The following HPSE2 variants were observed in gnomAD, a reference collection of about 807,000 sequenced individuals.
HPSE2 encodes inactive heparanase-2.
HPSE2 carries 38 observed loss-of-function variants against 60.5 expected under a neutral mutation model. That is an observed-to-expected ratio of 0.63 (90% CI 0.48 to 0.82). HPSE2 has a LOEUF of 0.82. Ranked by LOEUF, HPSE2 falls within the 40% of genes least tolerant of loss-of-function variation. HPSE2 has a pLI of 0.00. For synonymous variants in HPSE2, 295 were observed against 293.2 expected (o/e 1.01, Z -0.06); for missense variants, 713 against 740.4 (o/e 0.96, Z 0.43).
intron 5 of HPSE2, among the ~76,000 whole-genome samples, chr10:98,711,551 A>T (rs913807266): frequency 3.9e-5 from 6 of 152,100 alleles, no homozygotes; most frequent in Admixed American, 3.9e-4. Context: ...TAGCCATGTG[A>T]CCTTGGGTAA....
chr10:99,145,874 T>A (rs759228656), intron 2 of HPSE2, among the ~76,000 whole-genome samples: 1 of 152,162 alleles, frequency 6.6e-6, no homozygotes, highest in Non-Finnish European at 1.5e-5. Context: ...TACAAACCCA[T>A]GACTATGAGA....
intron 3 of HPSE2, among the ~76,000 whole-genome samples, chr10:98,939,723 C>T (rs1954930346): frequency 7.0e-6 from 1 of 143,718 alleles, no homozygotes; most frequent in Non-Finnish European, 1.5e-5. Context: ...AGCTCTGCAC[C>T]AAGCAGACCT....
chr10:98,893,641 T>C (rs1953401824), intron 3 of HPSE2, among the ~76,000 whole-genome samples: 1 of 151,948 alleles, frequency 6.6e-6, no homozygotes, highest in African/African-American at 2.4e-5. Flanking sequence ...CATAAAAATA[T>C]CTTGTAAAAT....
At chr10:98,630,488 C>T (rs1377729591) in intron 7 of HPSE2, among the ~76,000 whole-genome samples, 5 of 152,104 alleles carry the variant, frequency 3.3e-5, no homozygotes, top group Admixed American at 6.5e-5. Flanking sequence ...TGAGCCACCA[C>T]GCCCGGCCGT....
chr10:99,088,837 C>T (rs1022860237), intron 3 of HPSE2, among the ~76,000 whole-genome samples: 4 of 152,130 alleles, frequency 2.6e-5, no homozygotes, highest in African/African-American at 9.7e-5. Flanking sequence ...TAAAAGCATT[C>T]CCTTTTCACC....
At chr10:98,556,938 C>T (rs1349156101) in intron 9 of HPSE2, among the ~76,000 whole-genome samples, 5 of 152,248 alleles carry the variant, frequency 3.3e-5, no homozygotes, top group South Asian at 4.1e-4. Flanking sequence ...TGTCCAGGCA[C>T]GGTGGCTCAC....
At chr10:98,566,229 C>T (rs752643211) in intron 9 of HPSE2, among the ~76,000 whole-genome samples, 4 of 152,178 alleles carry the variant, frequency 2.6e-5, no homozygotes, top group African/African-American at 4.8e-5. Flanking sequence ...AGGAAGGAAA[C>T]GTAAGCTATA....
rs573057422 is a variant in HPSE2, at chr10:98,725,568, C to A, written c.785-3740G>T. ...AAAACCTAGGCAATACCATTCAGGA[C>A]ATAGGCATGGTCAAGGACTTCATGT... On this transcript the variant is annotated intron_variant, in intron 4 of 11. Coordinates refer to ENST00000370552, the MANE Select transcript of HPSE2 (RefSeq NM_021828.5). 3.3e-5 allele frequency among the ~76,000 whole-genome samples: 5 copies of A among 152,288 alleles called. No homozygotes were observed. In the South Asian group the frequency reaches 1.0e-3, roughly 32 times the overall value.
At chr10:98,780,989 C>A (rs1013666806) in intron 3 of HPSE2, among the ~76,000 whole-genome samples, 1 of 152,020 alleles carries the variant, frequency 6.6e-6, no homozygotes, top group Admixed American at 6.6e-5. Flanking sequence ...GGCCAAGAAA[C>A]TTGCTGAATA....
At position 99,169,504 on chromosome 10, in the gene HPSE2, C is replaced by CAAAA. The variant is rs562946052; in HGVS notation, c.449-25109_449-25106dup. On this transcript the variant is annotated intron_variant, in intron 2 of 11. Transcript: ENST00000370552. ...TGGGTGACAGAGCAAGACTCCGTCTCAAAAAAAAAAAAAAAAAAAAAAAAA... is the reference window on the plus strand; with the variant it reads ...TGGGTGACAGAGCAAGACTCCGTCTCAAAAAAAAAAAAAAAAAAAAAAAAAAAAA... Among the ~76,000 whole-genome samples, 17 of 54,730 alleles carry CAAAA rather than the reference C, an allele frequency of 3.1e-4. 2 individuals are homozygous for CAAAA. The highest frequency in any genetic ancestry group is 0.021 in the Middle Eastern group (1 of 48). The allele number at this position is 54,730 out of a possible 152,430, so 35.9% of individuals were successfully genotyped here.
chr10:98,593,088 T>A (rs988221828), intron 9 of HPSE2, among the ~76,000 whole-genome samples: 4 of 152,252 alleles, frequency 2.6e-5, no homozygotes, highest in Non-Finnish European at 4.4e-5. Flanking sequence ...TCTTATGTGC[T>A]AGGTACAATA....
chr10:99,169,103 G>T (rs1847199739), intron 2 of HPSE2, among the ~76,000 whole-genome samples: 1 of 150,220 alleles, frequency 6.7e-6, no homozygotes, highest in African/African-American at 2.5e-5. Flanking sequence ...TGAGGTGGGA[G>T]AATGGCGTGA....
At chr10:98,668,186 A>G (rs1306717069) in intron 6 of HPSE2, among the ~76,000 whole-genome samples, 1 of 152,200 alleles carries the variant, frequency 6.6e-6, no homozygotes, top group African/African-American at 2.4e-5. Flanking sequence ...AAAAATAAAT[A>G]CCTAGGAATA....
chr10:99,199,979 C>T (rs57349143), intron 2 of HPSE2, among the ~76,000 whole-genome samples: 1 of 152,186 alleles, frequency 6.6e-6, no homozygotes, highest in East Asian at 1.9e-4. Flanking sequence ...TTGTAGTTTT[C>T]AGCATAGTAG....
At chr10:99,031,431 G>T (rs1957496957) in intron 3 of HPSE2, among the ~76,000 whole-genome samples, 1 of 152,154 alleles carries the variant, frequency 6.6e-6, no homozygotes, top group African/African-American at 2.4e-5. Context: ...CTAGAGGAAT[G>T]AAAAGAATCA....
intron 3 of HPSE2, among the ~76,000 whole-genome samples, chr10:98,979,999 T>C (rs893531324): frequency 7.2e-5 from 11 of 152,188 alleles, no homozygotes; most frequent in African/African-American, 2.7e-4. Context: ...TAACACATTC[T>C]ATGTCAGATG....
intron 3 of HPSE2, among the ~76,000 whole-genome samples, chr10:98,933,232 A>T (rs1439653888): frequency 6.9e-6 from 1 of 144,050 alleles, no homozygotes; most frequent in Non-Finnish European, 1.5e-5. Context: ...CCCCAGAGTC[A>T]TTCAGGAGCA....
At chr10:99,305,981 A>ACACACACACACG in the HPSE2 span, among the ~76,000 whole-genome samples, 2 of 133,168 alleles carry the variant, frequency 1.5e-5, no homozygotes, top group Non-Finnish European at 1.6e-5. Context: ...GCGCGCGCGC[A>ACACACACACACG]CACACACACA....
intron 3 of HPSE2, among the ~76,000 whole-genome samples, chr10:98,939,113 T>A (rs1239063263): frequency 2.8e-5 from 4 of 143,638 alleles, no homozygotes; most frequent in East Asian, 2.0e-4. Flanking sequence ...AACAACCAGT[T>A]CCAGCCACTG....
Sources: allele counts gnomAD v4.1 joint callset (sites outside exome capture counted in the v4.1 genomes callset), GRCh38; gene constraint gnomAD v4.1.1; transcripts MANE v1.5; gene names NCBI Gene and HGNC (gene_info 2026-07-23, HGNC 2026-07-21).